NEK6: variants seen among roughly 807,000 people sequenced by gnomAD.
The protein encoded by NEK6 is serine/threonine-protein kinase Nek6.
A neutral mutation model predicts 43.5 loss-of-function variants in NEK6; 27 were observed. That is an observed-to-expected ratio of 0.62 (90% CI 0.46 to 0.86). NEK6 has a LOEUF of 0.86. Among genes scored for constraint, NEK6 ranks in the 40% least tolerant of loss-of-function variants. The pLI is 0.00. For missense variants in NEK6, 318 were observed against 414.4 expected, an observed-to-expected ratio of 0.77 and a Z score of 2.02; for synonymous variants, 167 against 164.1, an observed-to-expected ratio of 1.02 and a Z score of -0.14.
At chr9:124,313,556 C>CG (rs1206918278) in intron 3 of NEK6, among the ~76,000 whole-genome samples, 3 of 152,060 alleles carry the variant, frequency 2.0e-5, no homozygotes, top group Non-Finnish European at 4.4e-5. Flanking sequence ...TTAGTAGAGA[C>CG]GGGGTTTCAC....
intron 7 of NEK6, among the ~76,000 whole-genome samples, chr9:124,333,717 C>T (rs1387253185): frequency 6.6e-6 from 1 of 151,360 alleles, no homozygotes; most frequent in Non-Finnish European, 1.5e-5. Context: ...ACTGGAGATC[C>T]AGATTTCTAA....
chr9:124,336,853 A>G (rs532534179), intron 7 of NEK6, among the ~76,000 whole-genome samples: 27 of 152,302 alleles, frequency 1.8e-4, no homozygotes, highest in Non-Finnish European at 2.9e-4. Flanking sequence ...TACTAAAAAT[A>G]TAAAAATTAG....
intron 1 of NEK6, chr9:124,292,832 A>G: frequency 7.0e-7 from 1 of 1,438,356 alleles, no homozygotes; most frequent in South Asian, 1.5e-5. Context: ...ACCCTCAAGG[A>G]CATTTCCATG....
intron 5 of NEK6, 37 bp downstream of exon 5, chr9:124,321,606 G>A (rs201017045): frequency 1.8e-5 from 24 of 1,323,578 alleles, no homozygotes; most frequent in Non-Finnish European, 2.5e-5. Flanking sequence ...TGGGGGCTGC[G>A]CAGATCTGGA....
intron 1 of NEK6, among the ~76,000 whole-genome samples, chr9:124,265,075 G>A (rs1487792274): frequency 6.6e-6 from 1 of 152,176 alleles, no homozygotes; most frequent in African/African-American, 2.4e-5. Flanking sequence ...GGGGAGACTG[G>A]GGAGCGACTG....
At position 124,309,491 on chromosome 9, in the gene NEK6, T is replaced by C. The variant is rs547067391; in HGVS notation, c.91-3018T>C. Among the ~76,000 whole-genome samples the C allele has an allele frequency of 5.9e-5, 9 of 152,266 alleles. No individual in the cohort carries two copies. The South Asian group carries it at 1.9e-3, about 32-fold the overall frequency. ...CTTCCTCCAAACCCTTCACTGTGCC[T>C]GGGGGAAACTGAGGCCCAAGAGGGG... On this transcript the variant is annotated intron_variant, in intron 2 of 9. Transcript: ENST00000320246.
intron 3 of NEK6, among the ~76,000 whole-genome samples, chr9:124,313,702 T>A (rs1833664310): frequency 6.6e-6 from 1 of 152,030 alleles, no homozygotes; most frequent in Non-Finnish European, 1.5e-5. Context: ...CTGGGCTCTC[T>A]GTCTTGGTTC....
chr9:124,326,202 T>TCCCCCCCCCCCCCC lies in NEK6; in HGVS notation c.406-117_406-116insCCCCCCCCCCCCCC, dbSNP rs61223297. The TCCCCCCCCCCCCCC allele has an allele frequency of 2.5e-3, 311 of 125,146 alleles. 62 individuals carry two copies. The highest frequency in any genetic ancestry group is 3.7e-3 in the South Asian group (57 of 15,380). The allele number at this position is 125,146 out of a possible 1,614,324, so 7.8% of individuals were successfully genotyped here. A position where few individuals can be genotyped will look rare whatever the true frequency, so the allele number is the denominator to read the frequency against. On this transcript the variant is annotated intron_variant, in intron 5 of 9. Coordinates refer to ENST00000320246, the MANE Select transcript of NEK6 (RefSeq NM_014397.6). The surrounding 1 kb of genome is among the most constrained non-coding windows in gnomAD (Gnocchi z 4.5). ...GCTTATTGTTTGCTCAGTGGCTCAATCCCCCCCCCCCGCCCCTGCCAGGCA... is the reference window on the plus strand; with the variant it reads ...GCTTATTGTTTGCTCAGTGGCTCAATCCCCCCCCCCCCCCCCCCCCCCCCCGCCCCTGCCAGGCA...
chr9:124,289,293 C>T (rs932395883), intron 1 of NEK6, among the ~76,000 whole-genome samples: 1 of 151,372 alleles, frequency 6.6e-6, no homozygotes, highest in South Asian at 2.1e-4. Context: ...CTGAGGATGT[C>T]CAGGTCAGGA....
chr9:124,320,272 G>A (rs1273385126), intron 4 of NEK6, among the ~76,000 whole-genome samples: 1 of 152,236 alleles, frequency 6.6e-6, no homozygotes, highest in African/African-American at 2.4e-5. Flanking sequence ...GTGAGAGGAT[G>A]GACGCATGGG....
intron 1 of NEK6, among the ~76,000 whole-genome samples, chr9:124,301,360 T>C (rs571073431): frequency 6.6e-6 from 1 of 152,326 alleles, no homozygotes; most frequent in East Asian, 1.9e-4. Context: ...GCTGTTCCTT[T>C]GCACAGAGGT....
intron 8 of NEK6, among the ~76,000 whole-genome samples, chr9:124,346,093 G>A (rs1293864919): frequency 6.6e-6 from 1 of 152,196 alleles, no homozygotes; most frequent in African/African-American, 2.4e-5. Flanking sequence ...CCAGCCGGAA[G>A]ACAGAGGTGA....
intron 1 of NEK6, among the ~76,000 whole-genome samples, chr9:124,265,069 A>G (rs926646177): frequency 6.6e-5 from 10 of 152,048 alleles, no homozygotes; most frequent in African/African-American, 2.2e-4. Context: ...TGGGGAGGGG[A>G]GACTGGGGAG....
chr9:124,287,822 CAAAA>C (rs1193383792), intron 1 of NEK6, among the ~76,000 whole-genome samples: 1 of 150,100 alleles, frequency 6.7e-6, no homozygotes, highest in Non-Finnish European at 1.5e-5. Context: ...GACACTGTCT[CAAAA>C]AAGAAAAAAA....
At chr9:124,335,535 C>T (rs893958464) in intron 7 of NEK6, among the ~76,000 whole-genome samples, 2 of 152,226 alleles carry the variant, frequency 1.3e-5, no homozygotes, top group Non-Finnish European at 2.9e-5. Context: ...GACAGTTGAG[C>T]TCCGGGCAGC....
In NEK6 at chr9:124,321,452, C is replaced by T. The variant is rs1564645707; in HGVS notation, c.295-7C>T. 1.3e-6 allele frequency: 2 copies of T among 1,593,446 alleles called. No individual in the cohort carries two copies. The highest frequency in any genetic ancestry group is 1.7e-6 in the Non-Finnish European group (2 of 1,161,550). The stretch of plus-strand genomic sequence containing the variant: ...GTGCCCCCTTCCCTCTTTCCCTCCT[C>T]ATGCAGCAACTGAACCACCCAAATA... On this transcript the variant is annotated splice_polypyrimidine_tract_variant and splice_region_variant and intron_variant, in intron 4 of 9. Transcript: ENST00000320246.
intron 1 of NEK6, among the ~76,000 whole-genome samples, chr9:124,301,228 G>A (rs1832956512): frequency 6.6e-6 from 1 of 152,194 alleles, no homozygotes; most frequent in African/African-American, 2.4e-5. Flanking sequence ...TGCCCAGATG[G>A]CCTTGAGCTC....
At chr9:124,330,816 C>T (rs187407235) in intron 7 of NEK6, among the ~76,000 whole-genome samples, 27 of 152,272 alleles carry the variant, frequency 1.8e-4, no homozygotes, top group African/African-American at 6.5e-4. Context: ...GCAGGCAGGG[C>T]AGGCGTGGGG....
chr9:124,337,620 A>G (rs767782583), intron 7 of NEK6, among the ~76,000 whole-genome samples: 8 of 152,226 alleles, frequency 5.3e-5, no homozygotes, highest in Non-Finnish European at 8.8e-5. Flanking sequence ...GCTGTACAGT[A>G]TCCCACTGTG....
Sources: allele counts gnomAD v4.1 joint callset (sites outside exome capture counted in the v4.1 genomes callset), GRCh38; gene constraint gnomAD v4.1.1; non-coding constraint Gnocchi (gnomAD v3.1); transcripts MANE v1.5; gene names NCBI Gene and HGNC (gene_info 2026-07-23, HGNC 2026-07-21).